The following PTPRT variants were observed in gnomAD, a reference collection of about 807,000 sequenced individuals.
PTPRT encodes receptor-type tyrosine-protein phosphatase T.
Under a neutral mutation model 176.8 loss-of-function variants are expected in PTPRT, and 56 were observed. The observed-to-expected ratio is 0.32, with a 90% CI of 0.26 to 0.40. The LOEUF (loss-of-function observed/expected upper bound fraction) is 0.40. PTPRT is among the 10% of genes least tolerant of loss of function. The pLI is 1.00. For missense variants in PTPRT, 1,540 were observed against 1,908.2 expected (o/e 0.81, Z 3.60); for synonymous variants, 783 against 739.0 (o/e 1.06, Z -0.96).
At chr20:42,683,685 G>A (rs936419243) in intron 6 of PTPRT, among the ~76,000 whole-genome samples, 1 of 152,180 alleles carries the variant, frequency 6.6e-6, no homozygotes, top group African/African-American at 2.4e-5. Context: ...GTTCAATGCT[G>A]ATTAAACTTT....
At chr20:42,607,509 C>G (rs375648575) in intron 7 of PTPRT, 3 of 152,140 alleles carry the variant, frequency 2.0e-5, no homozygotes, top group African/African-American at 7.2e-5. Flanking sequence ...AATATGTCAG[C>G]CAAACCCAAG....
chr20:43,099,918 A>C (rs76030470), intron 1 of PTPRT, among the ~76,000 whole-genome samples: 8,180 of 152,166 alleles, frequency 0.054, 769 homozygotes, highest in African/African-American at 0.19. Flanking sequence ...ACCAGGGTAC[A>C]CTTGCCTTGG....
intron 7 of PTPRT, among the ~76,000 whole-genome samples, chr20:42,547,420 A>G (rs976849923): frequency 6.6e-6 from 1 of 152,066 alleles, no homozygotes; most frequent in African/African-American, 2.4e-5. Flanking sequence ...TATATTATTT[A>G]GAGACTTTAT....
intron 7 of PTPRT, among the ~76,000 whole-genome samples, chr20:42,550,528 A>T (rs1195798503): frequency 6.6e-6 from 1 of 152,118 alleles, no homozygotes; most frequent in East Asian, 1.9e-4. Flanking sequence ...ACCAGTGAAT[A>T]GCAGACCTAG....
chr20:42,887,551 C>T (rs1191372995), intron 1 of PTPRT, among the ~76,000 whole-genome samples: 1 of 152,128 alleles, frequency 6.6e-6, no homozygotes, highest in Admixed American at 6.5e-5. Flanking sequence ...CACACTAGCC[C>T]GGCCATGTGC....
chr20:42,557,551 C>G (rs1383174253), intron 7 of PTPRT, among the ~76,000 whole-genome samples: 1 of 152,114 alleles, frequency 6.6e-6, no homozygotes, highest in African/African-American at 2.4e-5. Context: ...AACTCTGCTA[C>G]CAGAGGTCAA....
At chr20:42,205,129 T>A (rs986802977) in intron 15 of PTPRT, among the ~76,000 whole-genome samples, 6 of 149,408 alleles carry the variant, frequency 4.0e-5, no homozygotes, top group African/African-American at 1.5e-4. Context: ...AAATGACGAG[T>A]TAATGGGTGC....
Position 42,193,693 on chromosome 20 carries a change from G to A in PTPRT, c.2491+5547C>T, listed in dbSNP as rs559766189. Among the ~76,000 whole-genome samples the A allele has an allele frequency of 2.6e-5, 4 of 152,250 alleles. No individual in the cohort carries two copies. The East Asian group carries it at 7.7e-4, about 29-fold the overall frequency. ...GCATAAGTTTTAGCACATAGTAGGT[G>A]CCCAATAAAAGTTATCTTCTTCTTT... is the stretch of plus-strand genomic sequence containing the variant. On this transcript the variant is annotated intron_variant, in intron 16 of 30. Transcript: ENST00000373187.
chr20:42,297,817 T>C (rs764489265), intron 12 of PTPRT, among the ~76,000 whole-genome samples: 7 of 152,000 alleles, frequency 4.6e-5, no homozygotes, highest in Non-Finnish European at 8.8e-5. Context: ...AGACAGACAT[T>C]TGGGAAAACA....
At chr20:43,119,873 C>G (rs1438286417) in intron 1 of PTPRT, among the ~76,000 whole-genome samples, 1 of 152,146 alleles carries the variant, frequency 6.6e-6, no homozygotes, top group Admixed American at 6.5e-5. Context: ...AAATCAGGTA[C>G]CAGAAGAACC....
chr20:43,173,144 A>G (rs1219493466), intron 1 of PTPRT, among the ~76,000 whole-genome samples: 1 of 151,992 alleles, frequency 6.6e-6, no homozygotes, highest in Admixed American at 6.5e-5. Flanking sequence ...CTTCACCACC[A>G]CATGGTTCAT....
chr20:43,025,741 A>G (rs890553229), intron 1 of PTPRT, among the ~76,000 whole-genome samples: 2 of 152,098 alleles, frequency 1.3e-5, no homozygotes, highest in Admixed American at 6.5e-5. Context: ...ACACACAAAA[A>G]ATTTTCTTCT....
chr20:42,546,531 A>G (rs562221097), intron 7 of PTPRT, among the ~76,000 whole-genome samples: 1 of 152,190 alleles, frequency 6.6e-6, no homozygotes, highest in Admixed American at 6.5e-5. Context: ...TTCTCAGGCC[A>G]TATTTAATTT....
At chr20:43,157,008 A>C (rs2014540835) in intron 1 of PTPRT, among the ~76,000 whole-genome samples, 1 of 152,112 alleles carries the variant, frequency 6.6e-6, no homozygotes, top group South Asian at 2.1e-4. Context: ...CTACTTGCTG[A>C]ATCCCTATCA....
intron 1 of PTPRT, among the ~76,000 whole-genome samples, chr20:42,939,935 G>C (rs150111344): frequency 5.6e-4 from 85 of 152,242 alleles, no homozygotes; most frequent in African/African-American, 2.0e-3. Context: ...TGGACAGAAA[G>C]ATGATCTTCC....
chr20:43,073,643 C>T (rs2011213158), intron 1 of PTPRT, among the ~76,000 whole-genome samples: 1 of 151,028 alleles, frequency 6.6e-6, no homozygotes, highest in South Asian at 2.1e-4. Context: ...ACTTTTGCAC[C>T]AACCTTATAG....
chr20:42,336,078 T>A (rs1018609384), intron 11 of PTPRT, among the ~76,000 whole-genome samples: 1 of 152,126 alleles, frequency 6.6e-6, no homozygotes, highest in Admixed American at 6.6e-5. Flanking sequence ...GAACTTAAAA[T>A]CTTAGCAAGC....
intron 1 of PTPRT, among the ~76,000 whole-genome samples, chr20:42,894,162 G>A (rs2079250698): frequency 6.6e-6 from 1 of 152,148 alleles, no homozygotes; most frequent in African/African-American, 2.4e-5. Flanking sequence ...ACCAGGAAAT[G>A]GAGAAGAGTA....
chr20:43,018,012 C>T (rs562141437), intron 1 of PTPRT, among the ~76,000 whole-genome samples: 1 of 152,150 alleles, frequency 6.6e-6, no homozygotes, highest in Non-Finnish European at 1.5e-5. Context: ...CTGGATGTGT[C>T]GGGGATATCA....
Sources: gnomAD v4.1 joint callset for allele counts (sites outside exome capture counted in the v4.1 genomes callset) on GRCh38, gnomAD v4.1.1 for gene constraint, MANE v1.5 for transcripts, NCBI Gene and HGNC (gene_info 2026-07-23, HGNC 2026-07-21) for gene names.